The following GLI2 variants were observed in gnomAD, a reference collection of about 807,000 sequenced individuals.
GLI2 encodes GLI family zinc finger 2, also known as transcription activator GLI2.
Under a neutral mutation model 78.9 loss-of-function variants are expected in GLI2, and 22 were observed. That is an observed-to-expected ratio of 0.28 (90% CI 0.20 to 0.40). The LOEUF (loss-of-function observed/expected upper bound fraction) is 0.40, where lower values mean the gene tolerates loss of function less well. Among genes scored for constraint, GLI2 ranks in the 10% least tolerant of loss-of-function variants. The probability of loss-of-function intolerance (pLI) is 1.00; values close to 1 mark genes in which losing one functional copy is unlikely to be tolerated. For missense variants in GLI2, 2,097 were observed against 2,213.2 expected, an observed-to-expected ratio of 0.95 and a Z score of 1.05; for synonymous variants, 974 against 963.7, an observed-to-expected ratio of 1.01 and a Z score of -0.20.
intron 2 of GLI2, among the ~76,000 whole-genome samples, chr2:120,881,721 TG>T (rs1677150010): frequency 1.3e-4 from 1 of 7,552 alleles, no homozygotes. Context: ...AGAGGGCAGG[TG>T]GGGGAGGACA....
chr2:120,772,825 G>A (rs1683562097), intron 1 of GLI2, among the ~76,000 whole-genome samples: 1 of 152,342 alleles, frequency 6.6e-6, no homozygotes, highest in Admixed American at 6.5e-5. Context: ...TCCTTCTGGG[G>A]CCTCTTCTCC....
chr2:120,790,962 C>T (rs994646693), intron 1 of GLI2, among the ~76,000 whole-genome samples: 9 of 151,994 alleles, frequency 5.9e-5, no homozygotes, highest in African/African-American at 1.4e-4. Context: ...ATAGGTGTTA[C>T]GGGCCATGCT....
At chr2:120,850,384 G>T (rs931113179) in intron 2 of GLI2, among the ~76,000 whole-genome samples, 3 of 152,162 alleles carry the variant, frequency 2.0e-5, no homozygotes, top group Non-Finnish European at 4.4e-5. Flanking sequence ...CTACCCTTCC[G>T]ATCAACAGCA....
intron 2 of GLI2, among the ~76,000 whole-genome samples, chr2:120,823,127 C>T (rs1263995357): frequency 1.3e-5 from 2 of 152,176 alleles, no homozygotes; most frequent in African/African-American, 4.8e-5. Context: ...CTGTGTTTGA[C>T]ATGCAGCGGC....
chr2:120,854,532 G>A (rs1168517746), intron 2 of GLI2, among the ~76,000 whole-genome samples: 2 of 152,194 alleles, frequency 1.3e-5, no homozygotes, highest in African/African-American at 4.8e-5. Context: ...GATCCCAGAA[G>A]AACCTTTGGA....
intron 6 of GLI2, among the ~76,000 whole-genome samples, 195 bp from the exon 7 acceptor site, chr2:120,970,198 G>T (rs552796108): frequency 6.6e-6 from 1 of 152,134 alleles, no homozygotes; most frequent in Non-Finnish European, 1.5e-5. Context: ...CAGAACCTGG[G>T]AGCTGATCGC....
chr2:120,841,886 T>TGTGA (rs1686897212), intron 2 of GLI2, among the ~76,000 whole-genome samples: 1 of 151,340 alleles, frequency 6.6e-6, no homozygotes, highest in South Asian at 2.1e-4. Flanking sequence ...TGTGTGTGTG[T>TGTGA]GTGATGCTGG....
intron 2 of GLI2, among the ~76,000 whole-genome samples, chr2:120,802,261 T>TGCAGA (rs1342718444): frequency 6.6e-6 from 1 of 152,172 alleles, no homozygotes; most frequent in Non-Finnish European, 1.5e-5. Flanking sequence ...GAAATATATT[T>TGCAGA]GCAGAGCAGA....
rs1361186300 is a variant in GLI2, at chr2:120,972,004, A to G, written c.1123A>G (p.Ser375Gly). 2 of 1,613,658 alleles carry G rather than the reference A, an allele frequency of 1.2e-6. No homozygotes were observed. The highest frequency in any genetic ancestry group is 1.7e-6 in the Non-Finnish European group (2 of 1,179,938). Reference sequence around the variant, plus strand: ...CAACCCTGTCGCCATTCACAAGCGCAGCAAGGTCAAGACCGAGCCTGAGGG... The same window carrying G: ...CAACCCTGTCGCCATTCACAAGCGCGGCAAGGTCAAGACCGAGCCTGAGGG... Reference protein sequence around the residue: ...TVNPVAIHKRSKVKTEPEGLR... With the variant: ...TVNPVAIHKRGKVKTEPEGLR... Residue 375 changes from serine (S) to glycine (G), a missense_variant, in exon 8 of 14, where the codon AGC becomes GGC. Ser to Gly is a moderately conservative substitution (Grantham distance 56). Transcript: ENST00000361492.
intron 2 of GLI2, among the ~76,000 whole-genome samples, chr2:120,810,910 T>C (rs554438726): frequency 6.6e-6 from 1 of 152,238 alleles, no homozygotes; most frequent in African/African-American, 2.4e-5. Flanking sequence ...CACCAGAGGG[T>C]GGAGTTGCTG....
chr2:120,786,457 C>G (rs1244760917), intron 1 of GLI2, among the ~76,000 whole-genome samples: 1 of 152,082 alleles, frequency 6.6e-6, no homozygotes, highest in African/African-American at 2.4e-5. Flanking sequence ...AATACCACCC[C>G]CACCCTCCAA....
At chr2:120,736,968 G>C (rs1249773186) in intron 1 of GLI2, among the ~76,000 whole-genome samples, 2 of 151,408 alleles carry the variant, frequency 1.3e-5, no homozygotes, top group Admixed American at 6.6e-5. Flanking sequence ...ATCCTTTGCC[G>C]GGTCCTCCGG....
chr2:120,965,887 C>T (rs1437586592), intron 5 of GLI2, among the ~76,000 whole-genome samples: 1 of 152,222 alleles, frequency 6.6e-6, no homozygotes, highest in Non-Finnish European at 1.5e-5. Flanking sequence ...GAGTGAGTTA[C>T]CTGCTCTGCC....
In GLI2 at chr2:120,988,579, C is replaced by T. The variant is rs1181416918; in HGVS notation, c.2614C>T (p.Leu872=). The T allele has an allele frequency of 6.7e-7, 1 of 1,493,702 alleles. No individual in the cohort carries two copies. The highest frequency in any genetic ancestry group is 2.8e-5 in the East Asian group (1 of 35,442). 92.5% of individuals were successfully genotyped at this position (1,493,702 alleles called of 1,614,324 possible). A position where few individuals can be genotyped will look rare whatever the true frequency, so the allele number is the denominator to read the frequency against. ...CCTCACGCCGGCGCAGCAGTACAGC[C>T]TGCGGGCCAAGTACGCGGCAGCCAC... is the stretch of plus-strand genomic sequence containing the variant. The part of the protein sequence containing the change: ...LNLTPAQQYS[L]RAKYAAATGG... The change falls in exon 14 of 14, where the codon CTG becomes TTG. Residue 872 remains leucine (L), a synonymous_variant. Coordinates refer to ENST00000361492, the MANE Select transcript of GLI2 (RefSeq NM_001374353.1).
intron 1 of GLI2, among the ~76,000 whole-genome samples, chr2:120,746,462 C>T (rs576482814): frequency 1.3e-5 from 2 of 152,200 alleles, no homozygotes; most frequent in African/African-American, 2.4e-5. Context: ...CTCTGCTCCC[C>T]GGCCAACCCT....
chr2:120,967,082 G>A (rs1681894207), intron 5 of GLI2, among the ~76,000 whole-genome samples: 1 of 152,200 alleles, frequency 6.6e-6, no homozygotes, highest in Admixed American at 6.5e-5. Flanking sequence ...CATAAGCCTG[G>A]GAACAGCCAA....
chr2:120,752,043 CG>C (rs1402994277), intron 1 of GLI2, among the ~76,000 whole-genome samples: 5 of 152,116 alleles, frequency 3.3e-5, no homozygotes, highest in Non-Finnish European at 7.3e-5. Context: ...CTAGAGAGAA[CG>C]GCTGATAGTG....
intron 2 of GLI2, among the ~76,000 whole-genome samples, chr2:120,797,916 T>G (rs781606286): frequency 5.9e-5 from 9 of 152,218 alleles, no homozygotes; most frequent in Non-Finnish European, 8.8e-5. Flanking sequence ...CGGGATTTAC[T>G]ATCTTAGGTG....
At chr2:120,740,487 G>A (rs1161334469) in intron 1 of GLI2, among the ~76,000 whole-genome samples, 2 of 151,690 alleles carry the variant, frequency 1.3e-5, no homozygotes, top group African/African-American at 2.4e-5. Context: ...TGTGAGTGCC[G>A]GGTTTCAGCT....
Sources: allele counts gnomAD v4.1 joint callset (sites outside exome capture counted in the v4.1 genomes callset), GRCh38; gene constraint gnomAD v4.1.1; transcripts MANE v1.5; gene names NCBI Gene and HGNC (gene_info 2026-07-23, HGNC 2026-07-21).